The following ZNF253 variants were observed in gnomAD, a reference collection of about 807,000 sequenced individuals.
ZNF253 encodes zinc finger protein 253, also known as DNA-binding protein.
Under a neutral mutation model 11.9 loss-of-function variants are expected in ZNF253, and 8 were observed. That is an observed-to-expected ratio of 0.67 (90% CI 0.40 to 1.22). The LOEUF is 1.22. Ranked by LOEUF, ZNF253 falls within the 50% of genes most tolerant of loss-of-function variation. ZNF253 has a pLI of 0.01. For missense variants in ZNF253, 485 were observed against 586.9 expected, an observed-to-expected ratio of 0.83 and a Z score of 1.79; for synonymous variants, 194 against 194.9, an observed-to-expected ratio of 1.00 and a Z score of 0.04.
intron 1 of ZNF253, among the ~76,000 whole-genome samples, chr19:19,877,209 T>C (rs2063159241): frequency 6.6e-6 from 1 of 152,234 alleles, no homozygotes; most frequent in Non-Finnish European, 1.5e-5. Flanking sequence ...ACCTGCTCTC[T>C]AGGGAGCTAA....
chr19:19,885,534 G>C lies in ZNF253; in HGVS notation c.226+5388G>C, dbSNP rs1019119557. ...GCCTCCCAAGTAGCTGGGACTATGG[G>C]CGCCCGCCACCATGCCCGGCTAAGT... On this transcript the variant is annotated intron_variant, in intron 3 of 3. Coordinates refer to ENST00000589717, the MANE Select transcript of ZNF253 (RefSeq NM_021047.3). Among the ~76,000 whole-genome samples the C allele has an allele frequency of 3.3e-5, 5 of 151,726 alleles. No individual in the cohort carries two copies. In the South Asian group the frequency reaches 1.0e-3, roughly 32 times the overall value.
chr19:19,892,611 A>G lies in ZNF253; in HGVS notation c.1364A>G (p.Glu455Gly), dbSNP rs561011201. 6 of 1,614,016 alleles carry G rather than the reference A, an allele frequency of 3.7e-6. No homozygotes were observed. In the African/African-American group the frequency reaches 5.3e-5, roughly 14 times the overall value. ...IHTGEKPYKC[E>G]ECGKAFNWSS... The stretch of plus-strand genomic sequence containing the variant: ...ACTGGAGAGAAACCTTACAAATGTG[A>G]AGAATGTGGCAAAGCTTTTAACTGG... The change falls in exon 4 of 4, where the codon GAA becomes GGA. Residue 455 changes from glutamate (E) to glycine (G), a missense_variant. By Grantham distance (98) the Glu-to-Gly change is moderately conservative. Transcript: ENST00000589717.
chr19:19,876,406 G>A (rs1328479251), intron 1 of ZNF253, among the ~76,000 whole-genome samples: 2 of 152,208 alleles, frequency 1.3e-5, no homozygotes, highest in Non-Finnish European at 2.9e-5. Flanking sequence ...GGATAGGTCA[G>A]TGTGGCACAT....
In ZNF253 at chr19:19,891,885, C is replaced by T; in HGVS notation, c.638C>T (p.Ala213Val). ...TGTGGCAAAGCTTTTAACCAATCTG[C>T]AAACCTTACTACACATAAGAGAATT... is the stretch of plus-strand genomic sequence containing the variant. The part of the protein sequence containing the change: ...EECGKAFNQS[A>V]NLTTHKRIHT... The change falls in exon 4 of 4, where the codon GCA (alanine) becomes GTA (valine). Residue 213 changes from alanine to valine, a missense_variant. Physicochemically the swap from Ala to Val is moderately conservative, Grantham distance 64. Around this residue, in one of 3 missense-constraint regions of ZNF253, gnomAD observed 218 missense variants for 213.1 expected, o/e 1.02. Transcript: ENST00000589717. The T allele has an allele frequency of 6.2e-7, 1 of 1,613,970 alleles. No individual in the cohort carries two copies. Among genetic ancestry groups the T allele is most frequent in the Non-Finnish European group, 8.5e-7 (1 of 1,179,988 alleles).
rs2063241721 is a variant in ZNF253 at position 19,893,257 on chromosome 19, CG to C, written c.*511del. Reference sequence around the variant, plus strand: ...CCTTCCAAAGTGCTGGGGTTACAGGCGTGAGCCACCATGCCTGGCTACAAGT... The same window carrying C: ...CCTTCCAAAGTGCTGGGGTTACAGGCTGAGCCACCATGCCTGGCTACAAGT... On this transcript the variant is annotated 3_prime_UTR_variant, in exon 4 of 4. Transcript: ENST00000589717. 6.5e-6 allele frequency: 1 copy of C among 153,356 alleles called. No homozygotes were observed. Among genetic ancestry groups the C allele is most frequent in the African/African-American group, 2.4e-5 (1 of 41,348 alleles). The allele number at this position is 153,356 out of a possible 1,614,324, so 9.5% of individuals were successfully genotyped here. A position where few individuals can be genotyped will look rare whatever the true frequency, so the allele number is the denominator to read the frequency against.
chr19:19,891,580 G>GT lies in ZNF253; in HGVS notation c.335dup (p.Leu112PhefsTer6). ...AAGAATGCAGACATGACAATTTACA[G>GT]TTAAAAAAAGGCTGTAAAAGCGTGG... On this transcript the variant is annotated frameshift_variant, in exon 4 of 4. Coordinates refer to ENST00000589717, the MANE Select transcript of ZNF253 (RefSeq NM_021047.3). LOFTEE classifies it low-confidence loss of function (END_TRUNC). 2 of 1,614,030 alleles carry GT rather than the reference G, an allele frequency of 1.2e-6. No homozygotes were observed. Among genetic ancestry groups the GT allele is most frequent in the Non-Finnish European group, 1.7e-6 (2 of 1,179,984 alleles).
At chr19:19,890,231 G>A (rs1304643456) in intron 3 of ZNF253, among the ~76,000 whole-genome samples, 1 of 152,046 alleles carries the variant, frequency 6.6e-6, no homozygotes, top group African/African-American at 2.4e-5. Context: ...TAGTTAAATC[G>A]GCTTATTCAT....
At chr19:19,888,325 A>G (rs1415851677) in intron 3 of ZNF253, among the ~76,000 whole-genome samples, 1 of 152,122 alleles carries the variant, frequency 6.6e-6, no homozygotes, top group Non-Finnish European at 1.5e-5. Context: ...TGGTCTCCCA[A>G]TGTGCTGGGA....
intron 3 of ZNF253, among the ~76,000 whole-genome samples, chr19:19,883,285 A>G (rs964059770): frequency 2.6e-5 from 4 of 152,198 alleles, no homozygotes; most frequent in Admixed American, 1.3e-4. Flanking sequence ...AACACATAAC[A>G]TAAAATTTAA....
Position 19,892,295 on chromosome 19 carries a change from C to G in ZNF253, c.1048C>G (p.His350Asp), listed in dbSNP as rs1445424923. ...YKCEECGKAF[H>D]LSSHLTTHKI... ...ATGTGAAGAATGTGGCAAAGCCTTTCACCTATCCTCACACCTTACTACACA... is the reference window on the plus strand; with the variant it reads ...ATGTGAAGAATGTGGCAAAGCCTTTGACCTATCCTCACACCTTACTACACA... The change falls in exon 4 of 4, where the codon CAC becomes GAC. Residue 350 changes from histidine (H) to aspartate (D), a missense_variant. Coordinates refer to ENST00000589717, the MANE Select transcript of ZNF253 (RefSeq NM_021047.3). The G allele has an allele frequency of 1.3e-6, 2 of 1,593,426 alleles. No homozygotes were observed. The highest frequency in any genetic ancestry group is 1.7e-5 in the Admixed American group (1 of 58,234).
Position 19,891,652 on chromosome 19 carries a change from T to A in ZNF253, c.405T>A (p.Cys135Ter), listed in dbSNP as rs2063230505. 1.2e-6 allele frequency: 2 copies of A among 1,614,022 alleles called. No individual in the cohort carries two copies. Residue 135 changes from cysteine to a stop codon, truncating the protein, a stop_gained, in exon 4 of 4, where the codon TGT (cysteine) becomes TGA (stop). Transcript: ENST00000589717. LOFTEE classifies it low-confidence loss of function (END_TRUNC). ...GAGGTTATAATGGACTTAACCAATG[T>A]TTGACAACTACCCAGAAAGAAATAT... ...HKGGYNGLNQ[C>*]LTTTQKEIFQ...
At chr19:19,886,659 C>T (rs1260580094) in intron 3 of ZNF253, among the ~76,000 whole-genome samples, 1 of 152,128 alleles carries the variant, frequency 6.6e-6, no homozygotes, top group Non-Finnish European at 1.5e-5. Flanking sequence ...ATAACATGTC[C>T]AGTTACTCTT....
chr19:19,880,253 G>A, intron 3 of ZNF253, 107 bp downstream of exon 3: 1 of 663,812 alleles, frequency 1.5e-6, no homozygotes, highest in Non-Finnish European at 2.4e-6. Flanking sequence ...TGTTCCAAAG[G>A]AAATAGGTCC....
At chr19:19,885,017 A>G (rs1030788116) in intron 3 of ZNF253, among the ~76,000 whole-genome samples, 1 of 152,174 alleles carries the variant, frequency 6.6e-6, no homozygotes, top group African/African-American at 2.4e-5. Flanking sequence ...TATATTTTGA[A>G]TATTAACTCT....
At chr19:19,874,769 G>A (rs932385561) in intron 1 of ZNF253, among the ~76,000 whole-genome samples, 8 of 151,880 alleles carry the variant, frequency 5.3e-5, no homozygotes, top group East Asian at 3.9e-4. Flanking sequence ...AAAATTAGCC[G>A]GGCGTGGTGG....
At chr19:19,885,216 A>ATTCTTTCTTTCT (rs1162456298) in intron 3 of ZNF253, among the ~76,000 whole-genome samples, 14 of 69,318 alleles carry the variant, frequency 2.0e-4, no homozygotes, top group South Asian at 4.9e-4. Flanking sequence ...TTTTTTTTGT[A>ATTCTTTCTTTCT]TTCTTTCTTT....
At chr19:19,872,101 A>T (rs2063136072) in intron 1 of ZNF253, among the ~76,000 whole-genome samples, 1 of 152,192 alleles carries the variant, frequency 6.6e-6, no homozygotes, top group Non-Finnish European at 1.5e-5. Flanking sequence ...TTCACTGGGC[A>T]GTGATCAATC....
At chr19:19,883,893 T>A (rs1429264157) in intron 3 of ZNF253, among the ~76,000 whole-genome samples, 1 of 151,310 alleles carries the variant, frequency 6.6e-6, no homozygotes, top group Non-Finnish European at 1.5e-5. Flanking sequence ...CTGTCTGTAC[T>A]AAAATACAAA....
At chr19:19,872,467 T>C (rs1018854465) in intron 1 of ZNF253, among the ~76,000 whole-genome samples, 2 of 148,060 alleles carry the variant, frequency 1.4e-5, no homozygotes, top group African/African-American at 5.2e-5. Context: ...AACTATGTAT[T>C]CATCTCTTGA....
Sources: allele counts gnomAD v4.1 joint callset (sites outside exome capture counted in the v4.1 genomes callset), GRCh38; gene constraint gnomAD v4.1.1; regional missense constraint gnomAD v4.1.1; transcripts MANE v1.5; gene names NCBI Gene and HGNC (gene_info 2026-07-23, HGNC 2026-07-21).